Variants in MAP3K15 observed in about 807,000 individuals in gnomAD.
MAP3K15 encodes the protein MAPK/ERK kinase kinase 15.
Under a neutral mutation model 99.5 loss-of-function variants are expected in MAP3K15, and 124 were observed. The ratio of observed to expected loss-of-function variants is 1.25; its 90% confidence interval spans 1.08 to 1.45. The LOEUF (loss-of-function observed/expected upper bound fraction) is 1.45. Among genes scored for constraint, MAP3K15 ranks in the 40% most tolerant of loss-of-function variants. The pLI, the probability that MAP3K15 is intolerant of heterozygous loss-of-function variation, is 0.00. For missense variants in MAP3K15, 1,242 were observed against 1,079.7 expected (o/e 1.15, Z -2.11); for synonymous variants, 494 against 439.6 (o/e 1.12, Z -1.55).
At chrX:19,484,601 C>G (rs1602344557) in intron 3 of MAP3K15, among the ~76,000 whole-genome samples, 1 of 111,685 alleles carries the variant, frequency 9.0e-6, no homozygotes. Context: ...ATTGTAACAG[C>G]GTGACACCAA....
At chrX:19,389,660 G>A (rs2063514613) in intron 18 of MAP3K15, among the ~76,000 whole-genome samples, 1 of 112,314 alleles carries the variant, frequency 8.9e-6, no homozygotes, top group South Asian at 3.6e-4. Context: ...CTTGGGAAGT[G>A]TGATATGCAA....
chrX:19,427,576 G>A (rs1375421283), intron 7 of MAP3K15, among the ~76,000 whole-genome samples: 2 of 110,988 alleles, frequency 1.8e-5, no homozygotes, highest in Non-Finnish European at 3.8e-5. Context: ...TTACACCAAA[G>A]GTTAACAGTG....
At chrX:19,485,740 G>C (rs1375142870) in intron 3 of MAP3K15, among the ~76,000 whole-genome samples, 5 of 110,642 alleles carry the variant, frequency 4.5e-5, no homozygotes, top group Non-Finnish European at 9.5e-5. Flanking sequence ...GCAGGAAGGA[G>C]ACTAAGGCTG....
At chrX:19,373,872 T>C (rs1194398865) in intron 20 of MAP3K15, among the ~76,000 whole-genome samples, 177 bp from the exon 21 acceptor site, 1 of 110,992 alleles carries the variant, frequency 9.0e-6, no homozygotes, top group Non-Finnish European at 1.9e-5. Context: ...ATGCATGCAG[T>C]TGGGGGTCCC....
chrX:19,514,853 G>A, intron 1 of MAP3K15, 48 bp downstream of exon 1: 3 of 853,829 alleles, frequency 3.5e-6, no homozygotes, highest in Non-Finnish European at 4.7e-6. Flanking sequence ...CCTGGCTCGT[G>A]TGAGGGTAGG....
chrX:19,476,921 C>A (rs2064246868), intron 3 of MAP3K15, among the ~76,000 whole-genome samples: 1 of 111,568 alleles, frequency 9.0e-6, no homozygotes, highest in Admixed American at 9.5e-5. Flanking sequence ...CAAGACCCAG[C>A]AGGTTAACCA....
intron 6 of MAP3K15, among the ~76,000 whole-genome samples, chrX:19,454,295 C>T (rs2064076964): frequency 8.9e-6 from 1 of 111,961 alleles, no homozygotes; most frequent in African/African-American, 3.2e-5. Context: ...GACTTTGATT[C>T]TGATTTTCTT....
chrX:19,437,651 AACTGTTTTAAT>A (rs2063931175), intron 6 of MAP3K15, among the ~76,000 whole-genome samples: 1 of 111,684 alleles, frequency 9.0e-6, no homozygotes, highest in Non-Finnish European at 1.9e-5. Flanking sequence ...TATCACCCTA[AACTGTTTTAAT>A]ACATTTAGGT....
At chrX:19,381,011 G>T (rs898691763) in intron 18 of MAP3K15, among the ~76,000 whole-genome samples, 2 of 112,308 alleles carry the variant, frequency 1.8e-5, no homozygotes, top group Non-Finnish European at 3.7e-5. Flanking sequence ...CCTAGTGGAG[G>T]AGACAAAGAC....
intron 6 of MAP3K15, among the ~76,000 whole-genome samples, chrX:19,454,914 G>A (rs1029748686): frequency 2.7e-5 from 3 of 111,673 alleles, no homozygotes; most frequent in East Asian, 2.8e-4. Context: ...TCATGTTGGC[G>A]CTCAAAAAGT....
chrX:19,430,613 T>G (rs1385329952), intron 7 of MAP3K15, among the ~76,000 whole-genome samples: 3 of 111,456 alleles, frequency 2.7e-5, no homozygotes, highest in African/African-American at 9.8e-5. Flanking sequence ...GCATGTCCAA[T>G]CTTGTCACTC....
intron 18 of MAP3K15, among the ~76,000 whole-genome samples, chrX:19,384,061 A>G (rs1417210119): frequency 3.6e-5 from 4 of 112,266 alleles, no homozygotes; most frequent in African/African-American, 1.3e-4. Context: ...CACAGTTCAC[A>G]ATAGCCAAGA....
intron 19 of MAP3K15, among the ~76,000 whole-genome samples, chrX:19,376,444 C>A (rs750921830): frequency 1.8e-5 from 2 of 109,136 alleles, no homozygotes; most frequent in South Asian, 8.1e-4. Flanking sequence ...CAAATCTCCA[C>A]CCCCACCCCC....
intron 3 of MAP3K15, among the ~76,000 whole-genome samples, chrX:19,471,961 G>C (rs1032562273): frequency 5.4e-5 from 6 of 111,601 alleles, no homozygotes; most frequent in Non-Finnish European, 1.1e-4. Context: ...GGTGGCTCAC[G>C]CCTGTAATCC....
chrX:19,412,170 T>G (rs141329284), intron 11 of MAP3K15, among the ~76,000 whole-genome samples: 2,077 of 112,122 alleles, frequency 0.019, 50 homozygotes, highest in African/African-American at 0.065. Context: ...CTTAGCCACA[T>G]GAGTTTCCAA....
chrX:19,499,172 G>A (rs2147420034), intron 1 of MAP3K15, among the ~76,000 whole-genome samples: 1 of 112,036 alleles, frequency 8.9e-6, no homozygotes, highest in South Asian at 3.8e-4. Flanking sequence ...AGCACATGGA[G>A]AAGTACTCAA....
chrX:19,393,842 G>A (rs756809045), intron 16 of MAP3K15, among the ~76,000 whole-genome samples: 285 of 85,575 alleles, frequency 3.3e-3, no homozygotes, highest in African/African-American at 0.013. Flanking sequence ...GTATGATCTT[G>A]GCTCACTGCA....
chrX:19,394,789 CTTTTTTTTTTTTTTTTTT>C (rs144723219), intron 16 of MAP3K15, among the ~76,000 whole-genome samples: 25 of 17,523 alleles, frequency 1.4e-3, no homozygotes, highest in East Asian at 3.3e-3. Flanking sequence ...GGGTCTGTTG[CTTTTTTTTTTTTTTTTTT>C]TTTTTTTTTT....
At chrX:19,506,120 G>C (rs888453842) in intron 1 of MAP3K15, among the ~76,000 whole-genome samples, 3 of 111,627 alleles carry the variant, frequency 2.7e-5, no homozygotes, top group Non-Finnish European at 5.6e-5. Context: ...TTTTAGTAGA[G>C]ACAGGGTTTC....
Sources: allele counts gnomAD v4.1 joint callset (sites outside exome capture counted in the v4.1 genomes callset), GRCh38; gene constraint gnomAD v4.1.1; transcripts MANE v1.5; gene names NCBI Gene and HGNC (gene_info 2026-07-23, HGNC 2026-07-21).